CEP112: variants seen among roughly 807,000 people sequenced by gnomAD.
The protein encoded by CEP112 is centrosomal protein of 112 kDa.
CEP112 carries 127 observed loss-of-function variants against 153.0 expected under a neutral mutation model. The ratio of observed to expected loss-of-function variants is 0.83; its 90% CI spans 0.72 to 0.96. The LOEUF (loss-of-function observed/expected upper bound fraction) is 0.96. CEP112 is among the 40% of genes least tolerant of loss of function. CEP112 has a pLI of 0.00. For missense variants in CEP112, 1,089 were observed against 1,101.2 expected, an observed-to-expected ratio of 0.99 and a Z score of 0.16; for synonymous variants, 358 against 374.4, an observed-to-expected ratio of 0.96 and a Z score of 0.51.
Position 66,074,860 on chromosome 17 carries a change from TAAAAAAAAAAAAGAA to T in CEP112, c.769-4874_769-4860del, listed in dbSNP as rs766352551. The stretch of plus-strand genomic sequence containing the variant: ...CCTGGTGACAGAGTGAGGCTCTGTC[TAAAAAAAAAAAAGAA>T]AAAAAAAAAAAAAGAAAAATCTTAA... On this transcript the variant is annotated intron_variant, in intron 8 of 26. Transcript: ENST00000535342. Among the ~76,000 whole-genome samples the T allele has an allele frequency of 1.4e-4, 13 of 95,710 alleles. No individual in the cohort carries two copies. The East Asian group carries it at 1.7e-3, about 13-fold the overall frequency. The allele number at this position is 95,710 out of a possible 152,430, so 62.8% of individuals were successfully genotyped here. A position where few individuals can be genotyped will look rare whatever the true frequency, so the allele number is the denominator to read the frequency against.
chr17:65,909,832 C>T (rs375839010), intron 19 of CEP112, among the ~76,000 whole-genome samples: 8 of 152,134 alleles, frequency 5.3e-5, no homozygotes, highest in Non-Finnish European at 1.2e-4. Flanking sequence ...TGTCCCTATA[C>T]CCTAGAAGTA....
chr17:65,639,826 CTCTT>C (rs1186661836), intron 25 of CEP112, among the ~76,000 whole-genome samples: 19 of 141,574 alleles, frequency 1.3e-4, no homozygotes, highest in South Asian at 6.7e-4. Flanking sequence ...TTTTTTTTCT[CTCTT>C]TCTTTCTTTT....
At chr17:66,062,933 T>C (rs375906652) in intron 11 of CEP112, 30 bp downstream of exon 11, 4 of 1,119,854 alleles carry the variant, frequency 3.6e-6, no homozygotes, top group Non-Finnish European at 5.2e-6. Flanking sequence ...TAAACTTTTA[T>C]GTTTTCCATT....
intron 20 of CEP112, among the ~76,000 whole-genome samples, chr17:65,870,608 G>T (rs2058643022): frequency 6.6e-6 from 1 of 152,096 alleles, no homozygotes; most frequent in African/African-American, 2.4e-5. Context: ...CCTTCAAATT[G>T]CACTTTTAAT....
chr17:65,789,689 T>C (rs1264751207), intron 21 of CEP112, among the ~76,000 whole-genome samples: 2 of 85,118 alleles, frequency 2.3e-5, no homozygotes, highest in Non-Finnish European at 2.9e-5. Flanking sequence ...CAATAATCAT[T>C]TGAACATCAG....
chr17:66,008,677 T>C (rs2064378493), intron 16 of CEP112, among the ~76,000 whole-genome samples: 1 of 152,140 alleles, frequency 6.6e-6, no homozygotes, highest in Admixed American at 6.5e-5. Context: ...AACCAGCATC[T>C]ACCCATTCCC....
At chr17:65,914,400 T>C (rs1164648583) in intron 19 of CEP112, among the ~76,000 whole-genome samples, 2 of 151,992 alleles carry the variant, frequency 1.3e-5, no homozygotes, top group African/African-American at 2.4e-5. Context: ...GTCTTTACTT[T>C]CTTTTTATTT....
chr17:66,080,163 T>C (rs141013104), intron 8 of CEP112, among the ~76,000 whole-genome samples: 2,533 of 151,932 alleles, frequency 0.017, 63 homozygotes, highest in African/African-American at 0.057. Context: ...ACAAATGGGA[T>C]CTAATTAAAC....
chr17:66,008,416 C>G (rs1436043823), intron 16 of CEP112, among the ~76,000 whole-genome samples: 2 of 152,084 alleles, frequency 1.3e-5, no homozygotes, highest in Non-Finnish European at 2.9e-5. Context: ...TACAGTGGCA[C>G]AATGGTAGCT....
In CEP112 at chr17:66,060,517, G is replaced by C. The variant is rs116521639; in HGVS notation, c.1074+2446C>G. Among the ~76,000 whole-genome samples, 691 of 152,094 alleles carry C rather than the reference G, an allele frequency of 4.5e-3. 5 individuals are homozygous for C. Among genetic ancestry groups the C allele is most frequent in the African/African-American group, 0.016 (666 of 41,524 alleles). ...TGACATGAAAATATACTTCAAACTT[G>C]TAGTAACTAAAACAGTATGCTATTG... On this transcript the variant is annotated intron_variant, in intron 11 of 26. Coordinates refer to ENST00000535342, the MANE Select transcript of CEP112 (RefSeq NM_001199165.4).
intron 4 of CEP112, among the ~76,000 whole-genome samples, chr17:66,154,470 G>A (rs556710336): frequency 8.6e-5 from 13 of 151,564 alleles, no homozygotes; most frequent in East Asian, 3.9e-4. Flanking sequence ...AGCCAAGATC[G>A]TGCCACTGCA....
intron 20 of CEP112, among the ~76,000 whole-genome samples, chr17:65,896,198 T>C (rs2059652826): frequency 6.6e-6 from 1 of 152,092 alleles, no homozygotes; most frequent in South Asian, 2.1e-4. Flanking sequence ...ATTTTAAAAA[T>C]ATGCACAGGA....
chr17:66,183,122 TTCATTG>T, intron 2 of CEP112, 66 bp downstream of exon 2: 1 of 1,050,884 alleles, frequency 9.5e-7, no homozygotes. Flanking sequence ...ATGTTGATAG[TTCATTG>T]GTTTGACTAA....
chr17:65,653,789 C>A (rs1014130150), intron 24 of CEP112, among the ~76,000 whole-genome samples: 1 of 151,924 alleles, frequency 6.6e-6, no homozygotes, highest in Admixed American at 6.6e-5. Context: ...GGGCTGGGCA[C>A]GTGGCTCATG....
At chr17:65,961,143 G>A (rs544786767) in intron 18 of CEP112, among the ~76,000 whole-genome samples, 1 of 152,144 alleles carries the variant, frequency 6.6e-6, no homozygotes, top group East Asian at 1.9e-4. Flanking sequence ...CACAGACATG[G>A]TTAACTGGAG....
chr17:66,075,763 GA>G (rs1193785203), intron 8 of CEP112, among the ~76,000 whole-genome samples: 2 of 152,168 alleles, frequency 1.3e-5, no homozygotes, highest in African/African-American at 2.4e-5. Context: ...CTTGCATCAT[GA>G]ATTTTAGCTC....
chr17:65,683,484 C>T (rs1165045645), intron 24 of CEP112, among the ~76,000 whole-genome samples: 1 of 152,158 alleles, frequency 6.6e-6, no homozygotes, highest in Non-Finnish European at 1.5e-5. Flanking sequence ...AAGGTAGAAG[C>T]CAGGAGCCTT....
At chr17:65,975,101 T>C (rs2111407) in intron 17 of CEP112, among the ~76,000 whole-genome samples, 69,015 of 152,074 alleles carry the variant, frequency 0.45, 16,542 homozygotes, top group East Asian at 0.87. Flanking sequence ...ATACAATCTT[T>C]GGATCATGTG....
chr17:66,082,122 T>C (rs763267834), intron 8 of CEP112, among the ~76,000 whole-genome samples: 2 of 152,218 alleles, frequency 1.3e-5, no homozygotes, highest in African/African-American at 4.8e-5. Context: ...ATTTCTACCA[T>C]CTGTTCTCTG....
Sources: allele counts gnomAD v4.1 joint callset (sites outside exome capture counted in the v4.1 genomes callset), GRCh38; gene constraint gnomAD v4.1.1; transcripts MANE v1.5; gene names NCBI Gene and HGNC (gene_info 2026-07-23, HGNC 2026-07-21).